VGLL3: variants seen among roughly 807,000 people sequenced by gnomAD.
The protein encoded by VGLL3 is transcription cofactor vestigial-like protein 3.
Under a neutral mutation model 29.2 loss-of-function variants are expected in VGLL3, and 18 were observed. The ratio of observed to expected loss-of-function variants is 0.62; its 90% confidence interval spans 0.43 to 0.91. The LOEUF is 0.91. Ranked by LOEUF, VGLL3 falls within the 40% of genes least tolerant of loss-of-function variation. The pLI is 0.00. For synonymous variants in VGLL3, 180 were observed against 151.8 expected (o/e 1.19, Z -1.36); for missense variants, 440 against 413.2 (o/e 1.06, Z -0.56).
At chr3:86,972,285 G>C (rs1197950189) in intron 2 of VGLL3, among the ~76,000 whole-genome samples, 1 of 152,008 alleles carries the variant, frequency 6.6e-6, no homozygotes. Flanking sequence ...GTTTTAAAAT[G>C]CTCCAGGGAA....
Position 86,990,883 on chromosome 3 carries a change from G to T in VGLL3, c.-140C>A, listed in dbSNP as rs1047394193. On this transcript the variant is annotated 5_prime_UTR_variant, in exon 1 of 4. Transcript: ENST00000398399. ...ACTGCGGCGAAGGCGGGTCCTCGGCGGCCTCGGGCTCCGCGCGGGGCGCGG... is the reference window on the plus strand; with the variant it reads ...ACTGCGGCGAAGGCGGGTCCTCGGCTGCCTCGGGCTCCGCGCGGGGCGCGG... 1.1e-5 allele frequency: 12 copies of T among 1,138,934 alleles called. No homozygotes were observed. The highest frequency in any genetic ancestry group is 1.3e-5 in the Non-Finnish European group (12 of 921,700). 70.6% of individuals were successfully genotyped at this position (1,138,934 alleles called of 1,614,324 possible). A position where few individuals can be genotyped will look rare whatever the true frequency, so the allele number is the denominator to read the frequency against.
chr3:86,956,655 G>A (rs1463185920), intron 3 of VGLL3, among the ~76,000 whole-genome samples: 1 of 151,808 alleles, frequency 6.6e-6, no homozygotes, highest in Non-Finnish European at 1.5e-5. Flanking sequence ...GCATGTTGGC[G>A]GCGCCTGTAG....
In VGLL3 at chr3:86,946,366, A is replaced by T. The variant is rs1164608150; in HGVS notation, c.*658T>A. 2 of 152,354 alleles carry T rather than the reference A, an allele frequency of 1.3e-5. No individual in the cohort carries two copies. Among genetic ancestry groups the T allele is most frequent in the East Asian group, 3.9e-4 (2 of 5,188 alleles). 9.4% of individuals were successfully genotyped at this position (152,354 alleles called of 1,614,324 possible). ...TTAAATCTTTACTGAGATTCAATGT[A>T]AAAACAATACTGCATTGGTTTGACT... On this transcript the variant is annotated 3_prime_UTR_variant, in exon 4 of 4. Transcript: ENST00000398399.
chr3:86,958,075 T>C (rs973003181), intron 3 of VGLL3, among the ~76,000 whole-genome samples: 2 of 152,228 alleles, frequency 1.3e-5, no homozygotes, highest in African/African-American at 2.4e-5. Flanking sequence ...TATGTGCTTT[T>C]CTTGAGCTTT....
At chr3:86,963,349 A>G (rs1035550093) in intron 3 of VGLL3, among the ~76,000 whole-genome samples, 2 of 152,254 alleles carry the variant, frequency 1.3e-5, no homozygotes, top group Non-Finnish European at 2.9e-5. Flanking sequence ...GCCACATATC[A>G]TATAATTCCA....
chr3:86,976,765 T>TG (rs1344519960), intron 2 of VGLL3, among the ~76,000 whole-genome samples: 1 of 152,208 alleles, frequency 6.6e-6, no homozygotes, highest in Non-Finnish European at 1.5e-5. Context: ...AGAAATAATT[T>TG]GGGACATTAA....
At chr3:86,955,809 C>T (rs1396121830) in intron 3 of VGLL3, among the ~76,000 whole-genome samples, 1 of 152,046 alleles carries the variant, frequency 6.6e-6, no homozygotes, top group Non-Finnish European at 1.5e-5. Flanking sequence ...CTAAGCATCA[C>T]CTAATAGTGC....
intron 2 of VGLL3, 93 bp from the exon 3 acceptor site, chr3:86,969,216 AT>A: frequency 7.1e-7 from 1 of 1,411,338 alleles, no homozygotes; most frequent in Non-Finnish European, 9.5e-7. Flanking sequence ...GTCCAATAAT[AT>A]TTTACAAGCA....
At position 86,938,614 on chromosome 3, in the gene VGLL3, A is replaced by C. The variant is rs1704326983; in HGVS notation, c.*8410T>G. The C allele has an allele frequency of 6.5e-6, 1 of 152,678 alleles. No homozygotes were observed. Among genetic ancestry groups the C allele is most frequent in the Non-Finnish European group, 1.5e-5 (1 of 68,050 alleles). The allele number at this position is 152,678 out of a possible 1,614,324, so 9.5% of individuals were successfully genotyped here. ...ACAGCCAAACTTGGTATGGAAAGTA[A>C]AACAGTTGTGCTTGAGTGTTGTTTC... On this transcript the variant is annotated 3_prime_UTR_variant, in exon 4 of 4. Coordinates refer to ENST00000398399, the MANE Select transcript of VGLL3 (RefSeq NM_016206.4).
intron 3 of VGLL3, among the ~76,000 whole-genome samples, chr3:86,950,991 C>T (rs1227948237): frequency 1.3e-5 from 2 of 152,062 alleles, no homozygotes; most frequent in Non-Finnish European, 2.9e-5. Flanking sequence ...AGACCCATTT[C>T]CTTACTTCAA....
intron 3 of VGLL3, among the ~76,000 whole-genome samples, chr3:86,964,305 T>G (rs1428607608): frequency 1.3e-5 from 2 of 152,166 alleles, no homozygotes; most frequent in South Asian, 4.1e-4. Flanking sequence ...TAAAATATTT[T>G]TATCTGTTTC....
chr3:86,986,305 T>C (rs746069014), intron 1 of VGLL3, among the ~76,000 whole-genome samples: 1 of 152,180 alleles, frequency 6.6e-6, no homozygotes, highest in African/African-American at 2.4e-5. Context: ...ATTTTGTTTC[T>C]TGGTGAACAC....
intron 2 of VGLL3, among the ~76,000 whole-genome samples, chr3:86,972,252 G>T (rs971032572): frequency 6.6e-6 from 1 of 152,088 alleles, no homozygotes; most frequent in Admixed American, 6.5e-5. Context: ...TTTTGAAAAT[G>T]CACTCCATAA....
Position 86,967,175 on chromosome 3 carries a change from T to G in VGLL3, c.937+1415A>C, listed in dbSNP as rs1213125122. 3.1e-4 allele frequency among the ~76,000 whole-genome samples: 47 copies of G among 152,102 alleles called. 1 individual carries two copies. Among genetic ancestry groups the G allele is most frequent in the South Asian group, 4.2e-4 (2 of 4,818 alleles). On this transcript the variant is annotated intron_variant, in intron 3 of 3. Coordinates refer to ENST00000398399, the MANE Select transcript of VGLL3 (RefSeq NM_016206.4). ...TGCCTGCTAAGAGCATTGTTGCTGT[T>G]GCCACATAAGTACCACATAAAACAG... is the stretch of plus-strand genomic sequence containing the variant.
In VGLL3 at chr3:86,991,065, C is replaced by T. The variant is rs920305248; in HGVS notation, c.-322G>A. 1 of 441,980 alleles carries T rather than the reference C, an allele frequency of 2.3e-6. No homozygotes were observed. Among genetic ancestry groups the T allele is most frequent in the Non-Finnish European group, 3.0e-6 (1 of 331,508 alleles). The allele number at this position is 441,980 out of a possible 1,614,324, so 27.4% of individuals were successfully genotyped here. A position where few individuals can be genotyped will look rare whatever the true frequency, so the allele number is the denominator to read the frequency against. On this transcript the variant is annotated 5_prime_UTR_variant, in exon 1 of 4. Coordinates refer to ENST00000398399, the MANE Select transcript of VGLL3 (RefSeq NM_016206.4). ...CCGCGTCCGGCTCCCGCGAGGGCTG[C>T]GGCGCCCACGGCAGCGCCAGTCACA...
chr3:86,990,774 G>A lies in VGLL3; in HGVS notation c.-31C>T. Reference sequence around the variant, plus strand: ...CCGGGGCAGTGGCGGCCCCCGAGCTGCCGCCGCCGCTCTACGCGCTGGCGC... The same window carrying A: ...CCGGGGCAGTGGCGGCCCCCGAGCTACCGCCGCCGCTCTACGCGCTGGCGC... On this transcript the variant is annotated 5_prime_UTR_variant, in exon 1 of 4. Coordinates refer to ENST00000398399, the MANE Select transcript of VGLL3 (RefSeq NM_016206.4). 2.0e-6 allele frequency: 2 copies of A among 995,576 alleles called. No individual in the cohort carries two copies. The highest frequency in any genetic ancestry group is 2.5e-6 in the Non-Finnish European group (2 of 802,386). 61.7% of individuals were successfully genotyped at this position (995,576 alleles called of 1,614,324 possible). A position where few individuals can be genotyped will look rare whatever the true frequency, so the allele number is the denominator to read the frequency against.
chr3:86,967,046 C>A (rs186581664), intron 3 of VGLL3, among the ~76,000 whole-genome samples: 3 of 151,594 alleles, frequency 2.0e-5, no homozygotes, highest in Non-Finnish European at 4.4e-5. Context: ...CAAGCTCACA[C>A]CAAAGTGAAC....
chr3:86,967,313 A>G (rs1249694249), intron 3 of VGLL3, among the ~76,000 whole-genome samples: 1 of 152,124 alleles, frequency 6.6e-6, no homozygotes, highest in Non-Finnish European at 1.5e-5. Context: ...TTTTGTTAGT[A>G]TGTGGCAAAG....
chr3:86,966,773 GTATATATA>G (rs55986686), intron 3 of VGLL3, among the ~76,000 whole-genome samples: 3,313 of 37,818 alleles, frequency 0.088, 134 homozygotes, highest in African/African-American at 0.13. Flanking sequence ...GTGTGTGTGT[GTATATATA>G]TATATATATA....
Sources: gnomAD v4.1 joint callset for allele counts (sites outside exome capture counted in the v4.1 genomes callset) on GRCh38, gnomAD v4.1.1 for gene constraint, MANE v1.5 for transcripts, NCBI Gene and HGNC (gene_info 2026-07-23, HGNC 2026-07-21) for gene names.